Variants in ABAT observed in about 807,000 individuals in gnomAD.
The protein encoded by ABAT is 4-aminobutyrate aminotransferase, also known as 4-aminobutyrate aminotransferase, mitochondrial.
A neutral mutation model predicts 64.6 loss-of-function variants in ABAT; 45 were observed. The ratio of observed to expected loss-of-function variants is 0.70; its 90% confidence interval spans 0.55 to 0.89. ABAT has a LOEUF of 0.89. ABAT is among the 40% of genes least tolerant of loss of function. ABAT has a pLI of 0.00. For missense variants in ABAT, 633 were observed against 658.4 expected, an observed-to-expected ratio of 0.96 and a Z score of 0.42; for synonymous variants, 297 against 250.5, an observed-to-expected ratio of 1.19 and a Z score of -1.75.
chr16:8,752,525 A>G (rs141225711), intron 5 of ABAT, among the ~76,000 whole-genome samples: 2 of 152,308 alleles, frequency 1.3e-5, no homozygotes, highest in Non-Finnish European at 2.9e-5. Context: ...TTGGGAGGCC[A>G]AGGGAAGAGG....
At chr16:8,705,951 T>C (rs1174053579) in intron 1 of ABAT, among the ~76,000 whole-genome samples, 2 of 152,204 alleles carry the variant, frequency 1.3e-5, no homozygotes, top group African/African-American at 4.8e-5. Context: ...ATTTGTTTTA[T>C]AGTTCTGTCC....
In ABAT at chr16:8,722,770, C is replaced by T. The variant is rs112483456; in HGVS notation, c.-41-12929C>T. 1.1e-3 allele frequency: 1,357 copies of T among 1,267,818 alleles called. 21 individuals are homozygous for T. In the South Asian group the frequency reaches 0.016, roughly 15 times the overall value. The allele number at this position is 1,267,818 out of a possible 1,614,324, so 78.5% of individuals were successfully genotyped here. On this transcript the variant is annotated intron_variant, in intron 1 of 15. Coordinates refer to ENST00000268251, the MANE Select transcript of ABAT (RefSeq NM_020686.6). ...CTTCACCTGCTTCTTTCCCCAGATG[C>T]GCCCATCCAGGGTCTAGCGGATTGC...
intron 6 of ABAT, among the ~76,000 whole-genome samples, chr16:8,759,842 T>C (rs2059745849): frequency 6.6e-6 from 1 of 152,128 alleles, no homozygotes; most frequent in Non-Finnish European, 1.5e-5. Flanking sequence ...CCACACCCAG[T>C]TGTATTTCTC....
chr16:8,784,459 TA>T lies in ABAT; in HGVS notation c.*3039del, dbSNP rs766850207. ...ATCTGTTGACAGTGCCAATAAATGA[TA>T]AAAAAAAAATTAACATGTCACAATG... On this transcript the variant is annotated 3_prime_UTR_variant, in exon 16 of 16. Coordinates refer to ENST00000268251, the MANE Select transcript of ABAT (RefSeq NM_020686.6). 9,950 of 150,568 alleles carry T rather than the reference TA, an allele frequency of 0.066. 379 individuals carry two copies. The highest frequency in any genetic ancestry group is 0.12 in the Middle Eastern group (34 of 292). The allele number at this position is 150,568 out of a possible 1,614,324, so 9.3% of individuals were successfully genotyped here. A position where few individuals can be genotyped will look rare whatever the true frequency, so the allele number is the denominator to read the frequency against.
At chr16:8,766,033 C>A in intron 8 of ABAT, 175 bp from the exon 9 acceptor site, 1 of 633,562 alleles carries the variant, frequency 1.6e-6, no homozygotes, top group East Asian at 2.9e-5. Flanking sequence ...TCTTTTGTTG[C>A]GAGCACAGTT....
chr16:8,683,595 G>C (rs957579550), intron 1 of ABAT: 6 of 150,842 alleles, frequency 4.0e-5, no homozygotes, highest in African/African-American at 1.5e-4. Context: ...GAACTGAAAT[G>C]CTGCTATGAT....
Position 8,781,526 on chromosome 16 carries a change from G to A in ABAT, c.*96G>A. The A allele has an allele frequency of 1.3e-6, 2 of 1,560,818 alleles. No homozygotes were observed. The highest frequency in any genetic ancestry group is 4.5e-5 in the East Asian group (2 of 44,258). On this transcript the variant is annotated 3_prime_UTR_variant, in exon 16 of 16. Transcript: ENST00000268251. This position sits in a 1 kb window ranked among gnomAD's most constrained non-coding sequence, Gnocchi z 4.5. ...CATGTTTTCACTTAAAAGTATCAGA[G>A]GTGAATGCACAGTGAAGGGTGATTT...
At chr16:8,780,184 G>A (rs372882842) in intron 15 of ABAT, among the ~76,000 whole-genome samples, 1 of 152,094 alleles carries the variant, frequency 6.6e-6, no homozygotes, top group African/African-American at 2.4e-5. Context: ...GCGTGAAGGC[G>A]AACGGTTGGG....
intron 2 of ABAT, among the ~76,000 whole-genome samples, chr16:8,740,265 A>G (rs920409815): frequency 3.9e-5 from 6 of 152,056 alleles, no homozygotes; most frequent in Non-Finnish European, 8.8e-5. Context: ...TTGGGATCCT[A>G]TGTTTATTAT....
Position 8,748,098 on chromosome 16 carries a change from T to G in ABAT, c.169-10T>G. On this transcript the variant is annotated splice_polypyrimidine_tract_variant and intron_variant, in intron 3 of 15. Coordinates refer to ENST00000268251, the MANE Select transcript of ABAT (RefSeq NM_020686.6). The stretch of plus-strand genomic sequence containing the variant: ...ACTTGCTATAATGCTTTTGTTGTTC[T>G]TGCCTGCAGGAGTTAATGAAACAGC... 1 of 1,613,396 alleles carries G rather than the reference T, an allele frequency of 6.2e-7. No homozygotes were observed. The highest frequency in any genetic ancestry group is 8.5e-7 in the Non-Finnish European group (1 of 1,179,442).
chr16:8,773,017 A>G lies in ABAT; in HGVS notation c.954+100A>G. On this transcript the variant is annotated intron_variant, in intron 12 of 15. Transcript: ENST00000268251. ...GCACCTCTGCCTTGGAGCTTCTGTC[A>G]ATCTCCAGACTTGCAGAGGCTGTCT... is the stretch of plus-strand genomic sequence containing the variant. The G allele has an allele frequency of 2.0e-6, 3 of 1,524,626 alleles. No individual in the cohort carries two copies. The South Asian group carries it at 3.4e-5, about 17-fold the overall frequency. The allele number at this position is 1,524,626 out of a possible 1,614,324, so 94.4% of individuals were successfully genotyped here. A position where few individuals can be genotyped will look rare whatever the true frequency, so the allele number is the denominator to read the frequency against.
Position 8,714,187 on chromosome 16 carries a change from T to C in ABAT, c.-41-21512T>C, listed in dbSNP as rs1338322027. Reference sequence around the variant, plus strand: ...TGAGATAAGGAATTGCTCTTATCAATAGGCTTGCAACACCACAGTCCGCCT... The same window carrying C: ...TGAGATAAGGAATTGCTCTTATCAACAGGCTTGCAACACCACAGTCCGCCT... On this transcript the variant is annotated intron_variant, in intron 1 of 15. Coordinates refer to ENST00000268251, the MANE Select transcript of ABAT (RefSeq NM_020686.6). Among the ~76,000 whole-genome samples, 4 of 152,222 alleles carry C rather than the reference T, an allele frequency of 2.6e-5. No homozygotes were observed. The East Asian group carries it at 5.8e-4, about 22-fold the overall frequency.
intron 1 of ABAT, among the ~76,000 whole-genome samples, chr16:8,719,418 G>A (rs1043374876): frequency 2.6e-5 from 4 of 152,080 alleles, no homozygotes; most frequent in South Asian, 4.1e-4. Flanking sequence ...TCTCACATTC[G>A]GAGGCTTGGA....
intron 1 of ABAT, among the ~76,000 whole-genome samples, chr16:8,709,199 C>G (rs1199760327): frequency 6.6e-6 from 1 of 151,522 alleles, no homozygotes; most frequent in Non-Finnish European, 1.5e-5. Context: ...ACATTAATTT[C>G]TTTATTTTCA....
At chr16:8,754,898 T>C (rs1289222731) in intron 5 of ABAT, among the ~76,000 whole-genome samples, 1 of 152,056 alleles carries the variant, frequency 6.6e-6, no homozygotes, top group South Asian at 2.1e-4. Context: ...TTTGTATTTT[T>C]AGTAGAGATG....
intron 1 of ABAT, among the ~76,000 whole-genome samples, chr16:8,707,487 C>T (rs2057974993): frequency 6.6e-6 from 1 of 151,644 alleles, no homozygotes; most frequent in Non-Finnish European, 1.5e-5. Flanking sequence ...GTGCCCAGCC[C>T]AGAGTTAGAG....
Position 8,781,493 on chromosome 16 carries a change from G to C in ABAT, c.*63G>C, listed in dbSNP as rs1435903637. The stretch of plus-strand genomic sequence containing the variant: ...CAACAGTTGTCAAATTGATTAGTTT[G>C]CCTAATTCATGTTTTCACTTAAAAG... On this transcript the variant is annotated 3_prime_UTR_variant, in exon 16 of 16. Coordinates refer to ENST00000268251, the MANE Select transcript of ABAT (RefSeq NM_020686.6). The surrounding 1 kb of genome is among the most constrained non-coding windows in gnomAD (Gnocchi z 4.5). 1.9e-6 allele frequency: 3 copies of C among 1,599,586 alleles called. No homozygotes were observed. Among genetic ancestry groups the C allele is most frequent in the African/African-American group, 2.7e-5 (2 of 74,414 alleles).
intron 1 of ABAT, chr16:8,713,925 G>A (rs1428861032): frequency 2.2e-6 from 1 of 456,076 alleles, no homozygotes. Context: ...TGTATTTGCT[G>A]CCATGGGGAG....
At chr16:8,756,551 C>T (rs2059654405) in intron 5 of ABAT, among the ~76,000 whole-genome samples, 1 of 152,248 alleles carries the variant, frequency 6.6e-6, no homozygotes, top group East Asian at 1.9e-4. Flanking sequence ...CTTTCCTAAG[C>T]CTAATCCCCA....
Sources: gnomAD v4.1 joint callset for allele counts (sites outside exome capture counted in the v4.1 genomes callset) on GRCh38, gnomAD v4.1.1 for gene constraint, Gnocchi (gnomAD v3.1) non-coding constraint, MANE v1.5 for transcripts, NCBI Gene and HGNC (gene_info 2026-07-23, HGNC 2026-07-21) for gene names.